The following AMD1 variants were observed in gnomAD, a reference collection of about 807,000 sequenced individuals.
AMD1 encodes the protein S-adenosylmethionine decarboxylase proenzyme.
Under a neutral mutation model 40.2 loss-of-function variants are expected in AMD1, and 11 were observed. That is an observed-to-expected ratio of 0.27 (90% CI 0.17 to 0.45). The LOEUF (loss-of-function observed/expected upper bound fraction) is 0.45. Among genes scored for constraint, AMD1 ranks in the 20% least tolerant of loss-of-function variants. The pLI is 1.00. For synonymous variants in AMD1, 121 were observed against 130.8 expected, an observed-to-expected ratio of 0.93 and a Z score of 0.51; for missense variants, 257 against 410.2, an observed-to-expected ratio of 0.63 and a Z score of 3.23.
chr6:110,847,504 G>A, the AMD1 span, among the ~76,000 whole-genome samples: 2 of 150,810 alleles, frequency 1.3e-5, no homozygotes, highest in African/African-American at 4.9e-5. Flanking sequence ...CAGCCTGGGT[G>A]ACAGAGCGAG....
chr6:110,869,540 A>C, the AMD1 span, among the ~76,000 whole-genome samples: 1 of 135,176 alleles, frequency 7.4e-6, no homozygotes, highest in Admixed American at 7.6e-5. Flanking sequence ...ACAGAGTTTC[A>C]CTCTTGTTGC....
the AMD1 span, among the ~76,000 whole-genome samples, chr6:110,854,322 A>G: frequency 1.3e-5 from 2 of 152,310 alleles, no homozygotes; most frequent in East Asian, 3.9e-4. Context: ...CAGTTAAGCA[A>G]TACACCACTT....
the AMD1 span, among the ~76,000 whole-genome samples, chr6:110,824,518 A>G: frequency 1.3e-5 from 2 of 152,310 alleles, no homozygotes; most frequent in East Asian, 3.9e-4. Context: ...AGACATCTCC[A>G]CTATACTATT....
chr6:110,814,826 G>A, the AMD1 span: 21 of 791,894 alleles, frequency 2.7e-5, no homozygotes, highest in Non-Finnish European at 3.9e-5. Flanking sequence ...GTACGCGACG[G>A]GGCCGCGCGG....
chr6:110,866,956 T>C, the AMD1 span, among the ~76,000 whole-genome samples: 3 of 151,138 alleles, frequency 2.0e-5, no homozygotes, highest in South Asian at 2.1e-4. Flanking sequence ...TGGGATTACA[T>C]GCGCCCAACA....
intron 4 of AMD1, 102 bp downstream of exon 4, chr6:110,890,458 C>A: frequency 1.2e-6 from 1 of 823,372 alleles, no homozygotes; most frequent in Non-Finnish European, 2.0e-6. Context: ...ATATAGCATT[C>A]TACACACACT....
chr6:110,885,172 A>G (rs1785613395), intron 1 of AMD1, among the ~76,000 whole-genome samples: 1 of 152,162 alleles, frequency 6.6e-6, no homozygotes, highest in Non-Finnish European at 1.5e-5. Context: ...GCTGGAATGC[A>G]GTGGTGCGAT....
chr6:110,849,475 C>A, the AMD1 span, among the ~76,000 whole-genome samples: 1 of 152,124 alleles, frequency 6.6e-6, no homozygotes, highest in Non-Finnish European at 1.5e-5. Flanking sequence ...TTAAAAAGGG[C>A]TAACTTGAAG....
rs548615406 is a variant in AMD1 at position 110,881,208 on chromosome 6, T to G, written c.110+5993T>G. On this transcript the variant is annotated intron_variant, in intron 1 of 8. Transcript: ENST00000368885. ...AGTCTTTAAGTGAAATTAGGGTATC[T>G]CAACCTCAGCATTCTTGACATTTTG... Among the ~76,000 whole-genome samples, 90 of 152,322 alleles carry G rather than the reference T, an allele frequency of 5.9e-4. 1 individual carries two copies. In the South Asian group the frequency reaches 0.018, roughly 30 times the overall value.
At chr6:110,837,704 T>G in the AMD1 span, among the ~76,000 whole-genome samples, 1 of 78,110 alleles carries the variant, frequency 1.3e-5, no homozygotes, top group Non-Finnish European at 2.2e-5. Flanking sequence ...AGAGCGAAAC[T>G]CCATCTCAGA....
At chr6:110,826,845 C>T in the AMD1 span, among the ~76,000 whole-genome samples, 212 of 152,122 alleles carry the variant, frequency 1.4e-3, 1 homozygote, top group African/African-American at 4.6e-3. Context: ...GTGCCCACCA[C>T]CAGACCTGGC....
the AMD1 span, among the ~76,000 whole-genome samples, chr6:110,851,561 C>G: frequency 6.6e-6 from 1 of 152,128 alleles, no homozygotes; most frequent in Non-Finnish European, 1.5e-5. Context: ...CTCCTGGGTT[C>G]AAGCGATTCT....
rs577597099 is a variant in AMD1 at position 110,890,877 on chromosome 6, A to T, written c.427+521A>T. On this transcript the variant is annotated intron_variant, in intron 4 of 8. Coordinates refer to ENST00000368885, the MANE Select transcript of AMD1 (RefSeq NM_001634.6). Reference sequence around the variant, plus strand: ...AAAATATGCAGAATTTATAAAGAACATTAAAATATCAGATAAAATATTTTT... The same window carrying T: ...AAAATATGCAGAATTTATAAAGAACTTTAAAATATCAGATAAAATATTTTT... 2.0e-5 allele frequency: 3 copies of T among 152,390 alleles called. No individual in the cohort carries two copies. The East Asian group carries it at 5.8e-4, about 29-fold the overall frequency. 9.4% of individuals were successfully genotyped at this position (152,390 alleles called of 1,614,324 possible).
chr6:110,890,258 T>G lies in AMD1; in HGVS notation c.329T>G (p.Phe110Cys). The G allele has an allele frequency of 1.9e-6, 3 of 1,555,632 alleles. No homozygotes were observed. The highest frequency in any genetic ancestry group is 2.6e-6 in the Non-Finnish European group (3 of 1,158,178). ...TTCTTTTCTTTTTTAATAAAGAGCT[T>G]CTTTTATTCTCGTAAGAATTTCATG... The part of the protein sequence containing the change: ...DYSGFDSIQS[F>C]FYSRKNFMKP... The change falls in exon 4 of 9, where the codon TTC becomes TGC. Residue 110 changes from phenylalanine to cysteine, a missense_variant. Physicochemically the swap from Phe to Cys is radical, Grantham distance 205. This residue lies in a region of AMD1 where 192 missense variants were observed against 296.5 expected (regional missense o/e 0.65). Transcript: ENST00000368885.
chr6:110,853,643 G>A, the AMD1 span, among the ~76,000 whole-genome samples: 5 of 152,142 alleles, frequency 3.3e-5, no homozygotes, highest in Non-Finnish European at 7.4e-5. Flanking sequence ...GTTTCACCAC[G>A]TTGGCCAGGC....
At chr6:110,849,529 T>C in the AMD1 span, among the ~76,000 whole-genome samples, 1 of 152,182 alleles carries the variant, frequency 6.6e-6, no homozygotes, top group Non-Finnish European at 1.5e-5. Flanking sequence ...TAAAGTCACC[T>C]TGATGGACAG....
the AMD1 span, among the ~76,000 whole-genome samples, chr6:110,852,441 C>G: frequency 1.1e-4 from 17 of 151,824 alleles, no homozygotes; most frequent in African/African-American, 3.6e-4. Context: ...AGGCTGTTCT[C>G]GAACTCCTGA....
chr6:110,852,056 GTTTTTTT>G, the AMD1 span, among the ~76,000 whole-genome samples: 1 of 137,626 alleles, frequency 7.3e-6, no homozygotes, highest in Non-Finnish European at 1.6e-5. Flanking sequence ...AGATTTTTTT[GTTTTTTT>G]TTTTTTTGAG....
chr6:110,832,001 G>C, the AMD1 span, among the ~76,000 whole-genome samples: 1 of 148,188 alleles, frequency 6.7e-6, no homozygotes, highest in South Asian at 2.1e-4. Flanking sequence ...AAGCCACTAT[G>C]CCTGGCTAAT....
Sources: allele counts gnomAD v4.1 joint callset (sites outside exome capture counted in the v4.1 genomes callset), GRCh38; gene constraint gnomAD v4.1.1; regional missense constraint gnomAD v4.1.1; transcripts MANE v1.5; gene names NCBI Gene and HGNC (gene_info 2026-07-23, HGNC 2026-07-21).